The following TMEM178B variants were observed in gnomAD, a reference collection of about 807,000 sequenced individuals.
TMEM178B encodes transmembrane protein 178B.
TMEM178B carries 5 observed loss-of-function variants against 31.0 expected under a neutral mutation model. That is an observed-to-expected ratio of 0.16 (90% confidence interval 0.08 to 0.34). The LOEUF (loss-of-function observed/expected upper bound fraction) is 0.34. Among genes scored for constraint, TMEM178B ranks in the 10% least tolerant of loss-of-function variants. The probability of loss-of-function intolerance (pLI) is 1.00; values close to 1 mark genes in which losing one functional copy is unlikely to be tolerated. For synonymous variants in TMEM178B, 164 were observed against 164.0 expected (o/e 1.00, Z 0.00); for missense variants, 275 against 400.3 (o/e 0.69, Z 2.67).
At position 141,118,907 on chromosome 7, in the gene TMEM178B, A is replaced by G. The variant is rs573935752; in HGVS notation, c.382+44215A>G. 9.1e-4 allele frequency among the ~76,000 whole-genome samples: 139 copies of G among 152,358 alleles called. 1 individual carries two copies. Among genetic ancestry groups the G allele is most frequent in the African/African-American group, 3.3e-3 (136 of 41,584 alleles). The stretch of plus-strand genomic sequence containing the variant: ...GCAAAGTTTATTTTGCATTAAAAAA[A>G]CAGATGTGCTAATTATGTGTTAATC... On this transcript the variant is annotated intron_variant, in intron 1 of 3. Coordinates refer to ENST00000565468, the MANE Select transcript of TMEM178B (RefSeq NM_001195278.2).
intron 2 of TMEM178B, among the ~76,000 whole-genome samples, chr7:141,339,737 G>A (rs1247101409): frequency 6.6e-6 from 1 of 152,170 alleles, no homozygotes; most frequent in Non-Finnish European, 1.5e-5. Flanking sequence ...ACAGGCAGTG[G>A]AGAGCACCTG....
chr7:141,317,770 C>T (rs1341026385), intron 2 of TMEM178B, among the ~76,000 whole-genome samples: 1 of 152,092 alleles, frequency 6.6e-6, no homozygotes, highest in Non-Finnish European at 1.5e-5. Flanking sequence ...AGCATTTAAC[C>T]AGAATCTAGG....
intron 2 of TMEM178B, among the ~76,000 whole-genome samples, chr7:141,286,201 A>C (rs762398826): frequency 5.3e-5 from 8 of 152,236 alleles, no homozygotes; most frequent in Non-Finnish European, 1.0e-4. Flanking sequence ...TCTATATTGT[A>C]CAATGACAGA....
chr7:141,181,582 A>T (rs931481253), intron 1 of TMEM178B, among the ~76,000 whole-genome samples: 5 of 152,196 alleles, frequency 3.3e-5, no homozygotes, highest in Non-Finnish European at 5.9e-5. Flanking sequence ...TGCCATTAAC[A>T]TTGCATTTCT....
At chr7:141,215,843 C>CTT (rs1363933803) in intron 2 of TMEM178B, among the ~76,000 whole-genome samples, 1 of 94,168 alleles carries the variant, frequency 1.1e-5, no homozygotes, top group African/African-American at 3.5e-5. Flanking sequence ...TCTTTCTTTT[C>CTT]TTTTCTTTTC....
At chr7:141,445,578 A>T (rs1801737798) in intron 3 of TMEM178B, among the ~76,000 whole-genome samples, 1 of 152,206 alleles carries the variant, frequency 6.6e-6, no homozygotes, top group Admixed American at 6.5e-5. Context: ...CTCAAACTTC[A>T]TGACTCTTAG....
At chr7:141,489,931 A>C in the TMEM178B span, among the ~76,000 whole-genome samples, 1 of 152,234 alleles carries the variant, frequency 6.6e-6, no homozygotes, top group Non-Finnish European at 1.5e-5. Flanking sequence ...AGGTGAAGAG[A>C]GCACACAGGA....
chr7:141,329,420 T>G (rs1003164265), intron 2 of TMEM178B, among the ~76,000 whole-genome samples: 1 of 152,202 alleles, frequency 6.6e-6, no homozygotes, highest in African/African-American at 2.4e-5. Flanking sequence ...GGTAACAGAT[T>G]CTGCAAGGCA....
chr7:141,265,092 G>A (rs1394914235), intron 2 of TMEM178B, among the ~76,000 whole-genome samples: 1 of 152,176 alleles, frequency 6.6e-6, no homozygotes, highest in Non-Finnish European at 1.5e-5. Context: ...TTCAAACCCA[G>A]GTCTTTCTGA....
chr7:141,213,700 A>T (rs1164709916), intron 2 of TMEM178B, among the ~76,000 whole-genome samples: 1 of 152,206 alleles, frequency 6.6e-6, no homozygotes, highest in African/African-American at 2.4e-5. Context: ...GATTAGGCCC[A>T]CCAGGTGTAT....
chr7:141,353,798 A>G lies in TMEM178B; in HGVS notation c.497-83810A>G, dbSNP rs1330848854. 4.6e-5 allele frequency among the ~76,000 whole-genome samples: 7 copies of G among 152,230 alleles called. 1 individual carries two copies. Among genetic ancestry groups the G allele is most frequent in the African/African-American group, 1.7e-4 (7 of 41,466 alleles). On this transcript the variant is annotated intron_variant, in intron 2 of 3. Transcript: ENST00000565468. The stretch of plus-strand genomic sequence containing the variant: ...AGCAACTAGTACTTAATAAATATTA[A>G]TGGAATGAATTAAATCAAACCAGAA...
intron 2 of TMEM178B, among the ~76,000 whole-genome samples, chr7:141,356,658 G>A (rs1306632715): frequency 7.4e-6 from 1 of 135,904 alleles, no homozygotes; most frequent in African/African-American, 2.6e-5. Flanking sequence ...GGGCGGGGGG[G>A]TGGTCTCTGC....
chr7:141,388,616 A>G (rs1459046962), intron 2 of TMEM178B, among the ~76,000 whole-genome samples: 2 of 152,194 alleles, frequency 1.3e-5, no homozygotes, highest in Non-Finnish European at 2.9e-5. Context: ...GAAATGGTTA[A>G]AGAGCTAATT....
In TMEM178B at chr7:141,352,525, C is replaced by T. The variant is rs527879746; in HGVS notation, c.497-85083C>T. On this transcript the variant is annotated intron_variant, in intron 2 of 3. Transcript: ENST00000565468. Reference sequence around the variant, plus strand: ...TCCTGAGTAGCTGGGATTACAAGCACGCGCCACCACGCCCCACTAATTTTT... The same window carrying T: ...TCCTGAGTAGCTGGGATTACAAGCATGCGCCACCACGCCCCACTAATTTTT... Among the ~76,000 whole-genome samples the T allele has an allele frequency of 1.9e-3, 283 of 152,128 alleles. 1 individual carries two copies. The highest frequency in any genetic ancestry group is 2.8e-3 in the Non-Finnish European group (188 of 67,984).
At chr7:141,081,459 A>T (rs986890312) in intron 1 of TMEM178B, among the ~76,000 whole-genome samples, 1 of 150,244 alleles carries the variant, frequency 6.7e-6, no homozygotes, top group Non-Finnish European at 1.5e-5. Flanking sequence ...ACATGGTGAA[A>T]CCCCGTCTCT....
chr7:141,451,778 T>C lies in TMEM178B; in HGVS notation c.634+14033T>C, dbSNP rs147328218. ...GTGTTTTAAGACAAACGGCAAAGCT[T>C]GGGGCTTATGAGGCAGAAAGGATAA... On this transcript the variant is annotated intron_variant, in intron 3 of 3. Coordinates refer to ENST00000565468, the MANE Select transcript of TMEM178B (RefSeq NM_001195278.2). Among the ~76,000 whole-genome samples the C allele has an allele frequency of 2.0e-5, 3 of 152,314 alleles. No individual in the cohort carries two copies. The East Asian group carries it at 5.8e-4, about 29-fold the overall frequency.
chr7:141,324,470 A>C (rs1799156459), intron 2 of TMEM178B, among the ~76,000 whole-genome samples: 1 of 129,866 alleles, frequency 7.7e-6, no homozygotes, highest in Non-Finnish European at 1.6e-5. Context: ...CGATTGAAAA[A>C]TGCAGCTGCC....
chr7:141,412,828 A>G (rs1801020653), intron 2 of TMEM178B, among the ~76,000 whole-genome samples: 1 of 152,152 alleles, frequency 6.6e-6, no homozygotes, highest in African/African-American at 2.4e-5. Context: ...CCCATTTTAC[A>G]GAGGGGGAAA....
the TMEM178B span, among the ~76,000 whole-genome samples, chr7:141,508,939 G>T: frequency 6.6e-6 from 1 of 152,352 alleles, no homozygotes; most frequent in African/African-American, 2.4e-5. Context: ...AATGGCAAGT[G>T]ATGGACTAAC....
Sources: gnomAD v4.1 joint callset for allele counts (sites outside exome capture counted in the v4.1 genomes callset) on GRCh38, gnomAD v4.1.1 for gene constraint, MANE v1.5 for transcripts, NCBI Gene and HGNC (gene_info 2026-07-23, HGNC 2026-07-21) for gene names.